The following GPM6A variants were observed in gnomAD, a reference collection of about 807,000 sequenced individuals.
The protein encoded by GPM6A is neuronal membrane glycoprotein M6-a.
A neutral mutation model predicts 32.1 loss-of-function variants in GPM6A; 7 were observed. The observed-to-expected ratio is 0.22, with a 90% CI of 0.12 to 0.41. GPM6A has a LOEUF of 0.41. Ranked by LOEUF, GPM6A falls within the 10% of genes least tolerant of loss-of-function variation. The pLI is 1.00. For synonymous variants in GPM6A, 130 were observed against 123.4 expected, an observed-to-expected ratio of 1.05 and a Z score of -0.35; for missense variants, 235 against 347.2, an observed-to-expected ratio of 0.68 and a Z score of 2.57.
intron 1 of GPM6A, among the ~76,000 whole-genome samples, chr4:175,953,471 C>T (rs6844913): frequency 0.51 from 77,868 of 152,070 alleles, 22,784 homozygotes; most frequent in Admixed American, 0.63. Flanking sequence ...GCCTGTAAAG[C>T]AGTGTATGGC....
intron 2 of GPM6A, among the ~76,000 whole-genome samples, chr4:175,687,714 T>C (rs1310592811): frequency 2.0e-5 from 3 of 152,206 alleles, no homozygotes; most frequent in South Asian, 2.1e-4. Flanking sequence ...CTGGATCACA[T>C]AGCATTGCTA....
chr4:175,823,692 C>T (rs902737222), intron 1 of GPM6A, among the ~76,000 whole-genome samples: 3 of 152,086 alleles, frequency 2.0e-5, no homozygotes, highest in South Asian at 4.1e-4. Context: ...TTATCATAAG[C>T]GTTTTGGTAT....
intron 4 of GPM6A, among the ~76,000 whole-genome samples, chr4:175,642,405 C>T (rs1237569061): frequency 6.6e-6 from 1 of 152,134 alleles, no homozygotes; most frequent in Non-Finnish European, 1.5e-5. Context: ...TGTTGCCTAA[C>T]CTCACTGTAA....
intron 1 of GPM6A, among the ~76,000 whole-genome samples, chr4:175,857,514 G>T (rs1736451672): frequency 6.6e-6 from 1 of 152,020 alleles, no homozygotes; most frequent in African/African-American, 2.4e-5. Context: ...AACAGGAAGT[G>T]AAAATGGAAC....
intron 1 of GPM6A, among the ~76,000 whole-genome samples, chr4:175,981,032 G>A (rs1430381699): frequency 3.9e-5 from 6 of 152,116 alleles, no homozygotes; most frequent in African/African-American, 7.2e-5. Context: ...GAAATGAAGG[G>A]AATAAAAGAA....
intron 1 of GPM6A, among the ~76,000 whole-genome samples, chr4:176,001,999 G>A (rs1457498570): frequency 1.3e-5 from 2 of 152,130 alleles, no homozygotes; most frequent in African/African-American, 4.8e-5. Context: ...CGGTAGACCG[G>A]ACCCCCAGGC....
At chr4:175,763,743 A>T (rs995267018) in intron 1 of GPM6A, among the ~76,000 whole-genome samples, 2 of 149,662 alleles carry the variant, frequency 1.3e-5, no homozygotes, top group Admixed American at 6.6e-5. Context: ...AGGCTTTTTT[A>T]AAAAAACAGT....
At chr4:175,854,411 T>C (rs1736355284) in intron 1 of GPM6A, among the ~76,000 whole-genome samples, 1 of 152,148 alleles carries the variant, frequency 6.6e-6, no homozygotes, top group Non-Finnish European at 1.5e-5. Flanking sequence ...AAAAATAATC[T>C]AATGAATGAC....
intron 1 of GPM6A, among the ~76,000 whole-genome samples, chr4:175,956,970 T>A (rs1404905691): frequency 6.6e-6 from 1 of 152,100 alleles, no homozygotes; most frequent in East Asian, 1.9e-4. Flanking sequence ...TAAACAGAAA[T>A]TACTCAATAT....
At chr4:175,751,379 C>G (rs1471637489) in intron 1 of GPM6A, among the ~76,000 whole-genome samples, 4 of 152,156 alleles carry the variant, frequency 2.6e-5, no homozygotes, top group African/African-American at 7.2e-5. Flanking sequence ...CCTAGAATGG[C>G]AACTTATTTT....
In GPM6A at chr4:175,731,685, A is replaced by T. The variant is rs548862063; in HGVS notation, c.38-29918T>A. The stretch of plus-strand genomic sequence containing the variant: ...AGGAAGCAGCCTGAATAACTTTTTT[A>T]AAAAGTTAGATGACGTCACTCCCTT... On this transcript the variant is annotated intron_variant, in intron 1 of 6. Transcript: ENST00000393658. Among the ~76,000 whole-genome samples the T allele has an allele frequency of 1.2e-4, 19 of 152,322 alleles. No individual in the cohort carries two copies. The East Asian group carries it at 3.7e-3, about 29-fold the overall frequency.
chr4:175,913,835 C>T (rs1478345478), intron 1 of GPM6A, among the ~76,000 whole-genome samples: 3 of 152,174 alleles, frequency 2.0e-5, no homozygotes, highest in African/African-American at 7.2e-5. Context: ...CCTTCACCTG[C>T]TCTTCTTCCT....
chr4:175,910,059 T>C (rs190406037), intron 1 of GPM6A, among the ~76,000 whole-genome samples: 8 of 152,248 alleles, frequency 5.3e-5, no homozygotes, highest in African/African-American at 1.7e-4. Flanking sequence ...ACAGTTCTGA[T>C]TGGCAGCATT....
Position 176,002,230 on chromosome 4 carries a change from A to G in GPM6A, c.-23+79T>C. 5.2e-6 allele frequency: 7 copies of G among 1,339,482 alleles called. No individual in the cohort carries two copies. The South Asian group carries it at 7.4e-5, about 14-fold the overall frequency. The allele number at this position is 1,339,482 out of a possible 1,614,324, so 83.0% of individuals were successfully genotyped here. ...GAAGGACGCAGTCTGAGGCCGAGGA[A>G]CATTCATTTTCTTTCTATAATGCCC... On this transcript the variant is annotated intron_variant, in intron 1 of 7. Transcript: ENST00000280187.
chr4:175,714,974 T>C (rs1289341817), intron 1 of GPM6A, among the ~76,000 whole-genome samples: 4 of 144,274 alleles, frequency 2.8e-5, no homozygotes, highest in Non-Finnish European at 6.0e-5. Context: ...GTTTCTGATG[T>C]AGAAAAACAA....
chr4:175,747,269 CAAAAAAAAAAAA>C lies in GPM6A; in HGVS notation c.38-45514_38-45503del, dbSNP rs5864346. On this transcript the variant is annotated intron_variant, in intron 1 of 6. Coordinates refer to ENST00000393658, the MANE Select transcript of GPM6A (RefSeq NM_201591.3). ...TGGTGACAGAGCAAGACTCCATCTC[CAAAAAAAAAAAA>C]AAAAAAAAAAGAAGGAACCCTAAGA... Among the ~76,000 whole-genome samples the C allele has an allele frequency of 1.8e-5, 2 of 109,544 alleles. 1 individual carries two copies. The highest frequency in any genetic ancestry group is 6.7e-4 in the South Asian group (2 of 2,984). 71.9% of individuals were successfully genotyped at this position (109,544 alleles called of 152,430 possible).
At chr4:175,778,946 A>G (rs890685851) in intron 1 of GPM6A, among the ~76,000 whole-genome samples, 4 of 151,796 alleles carry the variant, frequency 2.6e-5, no homozygotes, top group Admixed American at 1.3e-4. Flanking sequence ...ATACATAAGT[A>G]TATATATCAA....
chr4:175,658,556 C>A (rs1013618470), intron 3 of GPM6A, among the ~76,000 whole-genome samples: 2 of 152,038 alleles, frequency 1.3e-5, no homozygotes, highest in Non-Finnish European at 2.9e-5. Context: ...AGAGAAAATC[C>A]TCATCTAAAT....
intron 2 of GPM6A, among the ~76,000 whole-genome samples, chr4:175,695,823 T>A (rs1348590311): frequency 1.3e-5 from 2 of 152,162 alleles, no homozygotes; most frequent in Admixed American, 6.5e-5. Flanking sequence ...TGATATGATT[T>A]GGATCTGGTC....
Sources: gnomAD v4.1 joint callset for allele counts (sites outside exome capture counted in the v4.1 genomes callset) on GRCh38, gnomAD v4.1.1 for gene constraint, MANE v1.5 for transcripts, NCBI Gene and HGNC (gene_info 2026-07-23, HGNC 2026-07-21) for gene names.